SEL1L3: variants seen among roughly 807,000 people sequenced by gnomAD.
SEL1L3 encodes protein sel-1 homolog 3.
In SEL1L3, 76 loss-of-function variants were observed where a neutral mutation model predicts 142.8. That is an observed-to-expected ratio of 0.53 (90% CI 0.44 to 0.64). The LOEUF is 0.64. Ranked by LOEUF, SEL1L3 falls within the 30% of genes least tolerant of loss-of-function variation. The pLI is 0.00. For synonymous variants in SEL1L3, 504 were observed against 519.6 expected (o/e 0.97, Z 0.41); for missense variants, 1,262 against 1,381.7 (o/e 0.91, Z 1.37).
At chr4:25,731,582 A>C in the SEL1L3 span, among the ~76,000 whole-genome samples, 1 of 152,190 alleles carries the variant, frequency 6.6e-6, no homozygotes, top group African/African-American at 2.4e-5. Flanking sequence ...ATTAAATAGA[A>C]TCAATTGATA....
intron 6 of SEL1L3, among the ~76,000 whole-genome samples, chr4:25,823,033 AT>A (rs1299362830): frequency 2.0e-5 from 3 of 152,170 alleles, no homozygotes; most frequent in African/African-American, 7.2e-5. Context: ...AGGCTAACAG[AT>A]TTTTTTCATA....
the SEL1L3 span, among the ~76,000 whole-genome samples, chr4:25,737,998 T>G: frequency 2.0e-5 from 3 of 152,116 alleles, no homozygotes; most frequent in Non-Finnish European, 4.4e-5. Flanking sequence ...CCAGTGATTC[T>G]CCTGCCTCAG....
chr4:25,822,104 A>C lies in SEL1L3; in HGVS notation c.1182T>G (p.Asn394Lys), dbSNP rs1314404496. Reference sequence around the variant, plus strand: ...CAATAATGAAGTACCCAGCTGTGTCATTATAATGGAAATCCTCCCGGAAGC... The same window carrying C: ...CAATAATGAAGTACCCAGCTGTGTCCTTATAATGGAAATCCTCCCGGAAGC... ...TISFREDFHY[N>K]DTAGYFIIGG... The change falls in exon 7 of 24, where the codon AAT becomes AAG. Residue 394 changes from asparagine to lysine, a missense_variant. Physicochemically the swap from Asn to Lys is moderately conservative, Grantham distance 94. Coordinates refer to ENST00000399878, the MANE Select transcript of SEL1L3 (RefSeq NM_015187.5). The C allele has an allele frequency of 6.2e-7, 1 of 1,613,994 alleles. No individual in the cohort carries two copies. The highest frequency in any genetic ancestry group is 1.1e-5 in the South Asian group (1 of 91,078).
At chr4:25,765,924 C>A (rs773836270) in intron 19 of SEL1L3, among the ~76,000 whole-genome samples, 25 of 152,136 alleles carry the variant, frequency 1.6e-4, no homozygotes, top group Non-Finnish European at 5.9e-5. Flanking sequence ...CAGGTGTGAG[C>A]CACCGTGCCT....
chr4:25,851,687 G>A (rs572844511), intron 1 of SEL1L3, among the ~76,000 whole-genome samples: 7 of 151,942 alleles, frequency 4.6e-5, no homozygotes, highest in Admixed American at 2.6e-4. Context: ...TCAAGAGATC[G>A]AGACCATCCT....
chr4:25,849,410 A>G (rs1428218887), intron 1 of SEL1L3, among the ~76,000 whole-genome samples: 1 of 152,222 alleles, frequency 6.6e-6, no homozygotes, highest in East Asian at 1.9e-4. Flanking sequence ...AGATGAGGCT[A>G]AGGAAAACAA....
chr4:25,766,602 C>T (rs1166113025), intron 19 of SEL1L3, among the ~76,000 whole-genome samples: 2 of 152,112 alleles, frequency 1.3e-5, no homozygotes, highest in African/African-American at 4.8e-5. Context: ...GCCCAGAGAT[C>T]AGCAGTGAGA....
chr4:25,806,851 TGTC>T (rs1440104088), intron 9 of SEL1L3, among the ~76,000 whole-genome samples: 2 of 151,064 alleles, frequency 1.3e-5, no homozygotes, highest in Non-Finnish European at 1.5e-5. Flanking sequence ...AATAACAGCT[TGTC>T]GTAAAAAAAA....
At chr4:25,723,509 A>C in the SEL1L3 span, among the ~76,000 whole-genome samples, 1 of 152,296 alleles carries the variant, frequency 6.6e-6, no homozygotes, top group African/African-American at 2.4e-5. Context: ...AAATCAGGAA[A>C]TGTATACCTC....
intron 23 of SEL1L3, among the ~76,000 whole-genome samples, chr4:25,748,803 A>C (rs1274079241): frequency 6.6e-6 from 1 of 152,190 alleles, no homozygotes; most frequent in African/African-American, 2.4e-5. Context: ...GCCGATGCTC[A>C]TTCCTAAGGG....
chr4:25,858,118 C>T (rs1717390323), intron 1 of SEL1L3, among the ~76,000 whole-genome samples: 1 of 152,270 alleles, frequency 6.6e-6, no homozygotes, highest in African/African-American at 2.4e-5. Context: ...TATTTACGGT[C>T]TACTCCAGTC....
chr4:25,738,359 A>G, the SEL1L3 span, among the ~76,000 whole-genome samples: 1 of 152,148 alleles, frequency 6.6e-6, no homozygotes, highest in African/African-American at 2.4e-5. Context: ...GTTTTCCAGC[A>G]GTGTTTGCTG....
At chr4:25,859,402 A>G (rs139301368) in intron 1 of SEL1L3, among the ~76,000 whole-genome samples, 101 of 152,256 alleles carry the variant, frequency 6.6e-4, no homozygotes, top group Non-Finnish European at 1.3e-3. Context: ...CCCTCATCAC[A>G]ATTATTCATG....
At chr4:25,832,894 A>G (rs1206187731) in intron 5 of SEL1L3, 101 bp downstream of exon 5, 1 of 694,506 alleles carries the variant, frequency 1.4e-6, no homozygotes, top group Non-Finnish European at 2.6e-6. Context: ...ATTTACCACA[A>G]ATTTGCTTTT....
At chr4:25,828,117 C>T (rs1715207359) in intron 6 of SEL1L3, among the ~76,000 whole-genome samples, 2 of 152,060 alleles carry the variant, frequency 1.3e-5, no homozygotes. Context: ...CTCCCTAGGC[C>T]TCAGCCGCTA....
chr4:25,819,702 A>G, intron 8 of SEL1L3, 106 bp downstream of exon 8: 1 of 1,089,404 alleles, frequency 9.2e-7, no homozygotes, highest in South Asian at 1.7e-5. Context: ...CTGGTATCTG[A>G]GCCAAGTCAT....
At chr4:25,784,658 T>C in intron 13 of SEL1L3, among the ~76,000 whole-genome samples, 1 of 152,218 alleles carries the variant, frequency 6.6e-6, no homozygotes. Flanking sequence ...AAGCACTTTA[T>C]CTGTGTTGGA....
At chr4:25,736,017 G>T in the SEL1L3 span, among the ~76,000 whole-genome samples, 1 of 151,444 alleles carries the variant, frequency 6.6e-6, no homozygotes, top group South Asian at 2.1e-4. Flanking sequence ...TTTTAGTAGA[G>T]ACGGGGTTTC....
chr4:25,857,875 C>G (rs565021976), intron 1 of SEL1L3, among the ~76,000 whole-genome samples: 1 of 152,324 alleles, frequency 6.6e-6, no homozygotes, highest in Admixed American at 6.5e-5. Flanking sequence ...TGCCGGCATG[C>G]CTTGAGTTTG....
Sources: allele counts gnomAD v4.1 joint callset (sites outside exome capture counted in the v4.1 genomes callset), GRCh38; gene constraint gnomAD v4.1.1; transcripts MANE v1.5; gene names NCBI Gene and HGNC (gene_info 2026-07-23, HGNC 2026-07-21).